Variants in GRAP2 observed in about 807,000 individuals in gnomAD.
GRAP2 encodes GRB2-related adapter protein 2.
Under a neutral mutation model 43.5 loss-of-function variants are expected in GRAP2, and 31 were observed. The observed-to-expected ratio is 0.71, with a 90% confidence interval of 0.54 to 0.96. The LOEUF (loss-of-function observed/expected upper bound fraction) is 0.96, where lower values mean the gene tolerates loss of function less well. Among genes scored for constraint, GRAP2 ranks in the 40% least tolerant of loss-of-function variants. The pLI is 0.00. For missense variants in GRAP2, 371 were observed against 424.4 expected (o/e 0.87, Z 1.11); for synonymous variants, 156 against 164.8 (o/e 0.95, Z 0.41).
upstream of GRAP2, chr22:39,901,041 C>T: frequency 3.2e-6 from 1 of 312,120 alleles, no homozygotes; most frequent in Non-Finnish European, 6.4e-6. Context: ...ACGCCCAACT[C>T]TCCGAAGCCC....
intron 1 of GRAP2, among the ~76,000 whole-genome samples, chr22:39,907,165 G>A (rs2066528805): frequency 6.7e-6 from 1 of 149,596 alleles, no homozygotes; most frequent in Admixed American, 6.6e-5. Context: ...ACTTTAAGTT[G>A]ACCATAAATA....
At chr22:39,894,815 G>GT in the GRAP2 span, among the ~76,000 whole-genome samples, 3 of 152,216 alleles carry the variant, frequency 2.0e-5, no homozygotes, top group African/African-American at 7.2e-5. Context: ...CACCGTCAGA[G>GT]AAGATTGTAA....
chr22:39,943,214 AT>A (rs2066888200), intron 1 of GRAP2, among the ~76,000 whole-genome samples: 1 of 152,226 alleles, frequency 6.6e-6, no homozygotes, highest in East Asian at 1.9e-4. Context: ...AATGGAGGTT[AT>A]TTTAAAGAGC....
intron 1 of GRAP2, among the ~76,000 whole-genome samples, chr22:39,931,942 G>A (rs1292791492): frequency 1.3e-5 from 2 of 152,070 alleles, no homozygotes; most frequent in African/African-American, 4.8e-5. Flanking sequence ...AAAACAGAAG[G>A]TACAACATTT....
At chr22:39,932,544 T>C (rs1280235478) in intron 1 of GRAP2, among the ~76,000 whole-genome samples, 2 of 102,674 alleles carry the variant, frequency 1.9e-5, no homozygotes, top group Admixed American at 1.1e-4. Flanking sequence ...GACCCCTGTC[T>C]CTACAAAAAA....
At chr22:39,925,546 A>C (rs2066689603) in intron 1 of GRAP2, among the ~76,000 whole-genome samples, 1 of 152,098 alleles carries the variant, frequency 6.6e-6, no homozygotes, top group Non-Finnish European at 1.5e-5. Context: ...TCAACTTACC[A>C]AGAAATAAGC....
At chr22:39,946,918 C>T in intron 1 of GRAP2, 175 bp from the exon 2 acceptor site, 1 of 570,388 alleles carries the variant, frequency 1.8e-6, no homozygotes. Flanking sequence ...CCTATAGATT[C>T]CGGCAGCTCT....
intron 3 of GRAP2, among the ~76,000 whole-genome samples, chr22:39,957,494 G>A (rs2067068625): frequency 6.6e-6 from 1 of 152,178 alleles, no homozygotes; most frequent in African/African-American, 2.4e-5. Flanking sequence ...CTGGCTGGAA[G>A]GAACTGTCAC....
At chr22:39,916,704 T>C (rs890607331) in intron 1 of GRAP2, among the ~76,000 whole-genome samples, 3 of 152,226 alleles carry the variant, frequency 2.0e-5, no homozygotes, top group Non-Finnish European at 4.4e-5. Flanking sequence ...CCAGGTCACA[T>C]TGCACCCTTA....
intron 3 of GRAP2, among the ~76,000 whole-genome samples, chr22:39,957,106 G>A (rs1227488511): frequency 6.6e-6 from 1 of 152,198 alleles, no homozygotes; most frequent in East Asian, 1.9e-4. Flanking sequence ...GGGTTAGATA[G>A]AAATCTAATC....
chr22:39,958,562 T>TGAAA (rs1255264054), intron 3 of GRAP2, among the ~76,000 whole-genome samples: 9 of 152,120 alleles, frequency 5.9e-5, no homozygotes, highest in South Asian at 2.1e-4. Context: ...AATGAATGAA[T>TGAAA]GAATGAACGA....
chr22:39,910,868 A>C (rs892541028), intron 1 of GRAP2, among the ~76,000 whole-genome samples: 2 of 152,188 alleles, frequency 1.3e-5, no homozygotes, highest in Non-Finnish European at 2.9e-5. Context: ...CCCTCCCTGC[A>C]GGTGAGTACT....
Position 39,971,377 on chromosome 22 carries a change from T to A in GRAP2, c.*293T>A. 1 of 390,714 alleles carries A rather than the reference T, an allele frequency of 2.6e-6. No homozygotes were observed. The highest frequency in any genetic ancestry group is 4.5e-6 in the Non-Finnish European group (1 of 220,350). The allele number at this position is 390,714 out of a possible 1,614,324, so 24.2% of individuals were successfully genotyped here. A position where few individuals can be genotyped will look rare whatever the true frequency, so the allele number is the denominator to read the frequency against. On this transcript the variant is annotated 3_prime_UTR_variant, in exon 8 of 8. Transcript: ENST00000344138. ...AGGGAAATGAAATGGAGTTTTGTCCTGGCCTTCAGCTGTCACTGCTTCCTC... is the reference window on the plus strand; with the variant it reads ...AGGGAAATGAAATGGAGTTTTGTCCAGGCCTTCAGCTGTCACTGCTTCCTC...
chr22:39,913,061 C>T (rs1344176716), intron 1 of GRAP2, among the ~76,000 whole-genome samples: 22 of 151,838 alleles, frequency 1.4e-4, no homozygotes, highest in South Asian at 2.1e-4. Context: ...GGCATGGTGG[C>T]GGGCGCCTGT....
chr22:39,916,654 C>T (rs1252384016), intron 1 of GRAP2, among the ~76,000 whole-genome samples: 3 of 152,212 alleles, frequency 2.0e-5, no homozygotes, highest in Admixed American at 2.0e-4. Flanking sequence ...CTTAGTTCCC[C>T]CATGAAATCA....
intron 4 of GRAP2, chr22:39,964,506 A>G (rs529278702): frequency 1.9e-6 from 2 of 1,026,452 alleles, no homozygotes; most frequent in African/African-American, 3.1e-5. Context: ...AGGTGCTAAA[A>G]GCGAAGGTCG....
chr22:39,928,416 G>C (rs988939930), intron 1 of GRAP2, among the ~76,000 whole-genome samples: 1 of 152,170 alleles, frequency 6.6e-6, no homozygotes, highest in Non-Finnish European at 1.5e-5. Context: ...TTCTCTCGTT[G>C]GCTTTTGTCT....
At chr22:39,917,300 C>G (rs560084163) in intron 1 of GRAP2, among the ~76,000 whole-genome samples, 16 of 152,276 alleles carry the variant, frequency 1.1e-4, no homozygotes, top group East Asian at 7.7e-4. Context: ...CCAAAGCCCC[C>G]CTCTCTACAA....
At chr22:39,948,453 C>T (rs1364808926) in intron 2 of GRAP2, 1 of 151,922 alleles carries the variant, frequency 6.6e-6, no homozygotes, top group Non-Finnish European at 1.5e-5. Context: ...CCAACTTCCA[C>T]CCTCGTCTTC....
Sources: gnomAD v4.1 joint callset for allele counts (sites outside exome capture counted in the v4.1 genomes callset) on GRCh38, gnomAD v4.1.1 for gene constraint, MANE v1.5 for transcripts, NCBI Gene and HGNC (gene_info 2026-07-23, HGNC 2026-07-21) for gene names.